CHERP: variants seen among roughly 807,000 people sequenced by gnomAD.
CHERP encodes the protein calcium homeostasis endoplasmic reticulum protein, also known as ERPROT 213-21.
A neutral mutation model predicts 113.8 loss-of-function variants in CHERP; 8 were observed. The ratio of observed to expected loss-of-function variants is 0.07; its 90% confidence interval spans 0.04 to 0.13. CHERP has a LOEUF of 0.13. CHERP is among the 10% of genes least tolerant of loss of function. CHERP has a pLI of 1.00. For missense variants in CHERP, 884 were observed against 1,298.2 expected (o/e 0.68, Z 4.90); for synonymous variants, 559 against 524.5 (o/e 1.07, Z -0.90).
intron 12 of CHERP, 93 bp from the exon 13 acceptor site, chr19:16,521,005 G>A: frequency 9.3e-7 from 1 of 1,072,888 alleles, no homozygotes; most frequent in Non-Finnish European, 1.4e-6. Context: ...CAGAACCTTG[G>A]AGAGTACATG....
In CHERP at chr19:16,533,053, G is replaced by A. The variant is rs751016291; in HGVS notation, c.480C>T (p.Leu160=). ...TGCACGTGTCGATGATGGGCTGCAGGAGGTTGTCAAACTCGTTCATGTCTA... is the reference window on the plus strand; with the variant it reads ...TGCACGTGTCGATGATGGGCTGCAGAAGGTTGTCAAACTCGTTCATGTCTA... ...TQLDMNEFDN[L]LQPIIDTCTK... The change falls in exon 4 of 17, where the codon CTC becomes CTT. Residue 160 remains leucine (L), a synonymous_variant. Coordinates refer to ENST00000546361, the MANE Select transcript of CHERP (RefSeq NM_006387.6). 1.3e-6 allele frequency: 2 copies of A among 1,572,948 alleles called. No individual in the cohort carries two copies. The highest frequency in any genetic ancestry group is 1.7e-6 in the Non-Finnish European group (2 of 1,158,488).
chr19:16,542,066 C>T (rs1489981539), intron 1 of CHERP, 23 bp from the exon 2 acceptor site: 1 of 1,596,934 alleles, frequency 6.3e-7, no homozygotes, highest in East Asian at 2.2e-5. Context: ...GAAAAGGCCA[C>T]GCGGGGCGTC....
rs1451288704 is a variant in CHERP at position 16,519,864 on chromosome 19, C to T, written c.2463-149G>A. On this transcript the variant is annotated intron_variant, in intron 15 of 16. Coordinates refer to ENST00000546361, the MANE Select transcript of CHERP (RefSeq NM_006387.6). The surrounding 1 kb of genome is among the most constrained non-coding windows in gnomAD (Gnocchi z 6.0). Reference sequence around the variant, plus strand: ...AGATTTTGCGTCTCTACCCGTTTATCCTGTCTCAGCTAGATAAGGGGGCTC... The same window carrying T: ...AGATTTTGCGTCTCTACCCGTTTATTCTGTCTCAGCTAGATAAGGGGGCTC... 1.3e-6 allele frequency: 1 copy of T among 753,648 alleles called. No homozygotes were observed. Among genetic ancestry groups the T allele is most frequent in the Non-Finnish European group, 2.3e-6 (1 of 435,900 alleles). The allele number at this position is 753,648 out of a possible 1,614,324, so 46.7% of individuals were successfully genotyped here.
At chr19:16,540,857 C>T (rs2085774499) in intron 2 of CHERP, among the ~76,000 whole-genome samples, 1 of 150,996 alleles carries the variant, frequency 6.6e-6, no homozygotes, top group Admixed American at 6.6e-5. Context: ...GCCACCACAC[C>T]CGGCTAATTT....
chr19:16,540,380 C>T (rs1366694818), intron 2 of CHERP, among the ~76,000 whole-genome samples: 3 of 123,724 alleles, frequency 2.4e-5, no homozygotes, highest in Admixed American at 1.6e-4. Context: ...TTTCAAGCTG[C>T]TTTTTTTTTT....
chr19:16,537,671 T>A (rs1179851844), intron 2 of CHERP, among the ~76,000 whole-genome samples: 1 of 151,994 alleles, frequency 6.6e-6, no homozygotes, highest in Non-Finnish European at 1.5e-5. Flanking sequence ...ATCACTCCAA[T>A]CAGTCTATGT....
At position 16,535,439 on chromosome 19, in the gene CHERP, G is replaced by A. The variant is rs747728050; in HGVS notation, c.384+13C>T. ...GCTGCTGGTGTCTGGCCGAGGAGGC[G>A]GCGGGCCCATACCTGTCTGAGCGCC... On this transcript the variant is annotated intron_variant, in intron 3 of 16. Transcript: ENST00000546361. This position sits in a 1 kb window ranked among gnomAD's most constrained non-coding sequence, Gnocchi z 4.3. The A allele has an allele frequency of 5.0e-6, 8 of 1,604,762 alleles. No individual in the cohort carries two copies. The South Asian group carries it at 5.6e-5, about 11-fold the overall frequency.
At position 16,535,900 on chromosome 19, in the gene CHERP, C is replaced by T. The variant is rs146419489; in HGVS notation, c.200-264G>A. On this transcript the variant is annotated intron_variant, in intron 2 of 16. Coordinates refer to ENST00000546361, the MANE Select transcript of CHERP (RefSeq NM_006387.6). The surrounding 1 kb of genome is among the most constrained non-coding windows in gnomAD (Gnocchi z 4.3). ...AGGAAGTCCCCTGGCCGCTCTCTCG[C>T]CAGCACCATCCAGTCCTTGCGCAGT... 2.1e-3 allele frequency among the ~76,000 whole-genome samples: 317 copies of T among 152,316 alleles called. 1 individual carries two copies. The highest frequency in any genetic ancestry group is 7.4e-3 in the African/African-American group (307 of 41,578).
Position 16,542,035 on chromosome 19 carries a change from G to C in CHERP, c.34C>G (p.Leu12Val). The C allele has an allele frequency of 6.2e-7, 1 of 1,612,764 alleles. No homozygotes were observed. Among genetic ancestry groups the C allele is most frequent in the African/African-American group, 1.3e-5 (1 of 74,988 alleles). The change falls in exon 2 of 17, where the codon CTT (leucine) becomes GTT (valine). Residue 12 changes from leucine (L) to valine (V), a missense_variant. Leu to Val is a conservative substitution (Grantham distance 32). Transcript: ENST00000546361. ...EMPLPPDDQELRNVIDKLAQF... is the reference protein window; with the variant it reads ...EMPLPPDDQEVRNVIDKLAQF... Reference sequence around the variant, plus strand: ...GCGAGCTTGTCGATGACATTTCGAAGCTCCTGGTCTGGAGGACGGAGAAAA... The same window carrying C: ...GCGAGCTTGTCGATGACATTTCGAACCTCCTGGTCTGGAGGACGGAGAAAA...
Position 16,529,742 on chromosome 19 carries a change from C to A in CHERP, c.1035G>T (p.Pro345=). The A allele has an allele frequency of 1.2e-6, 2 of 1,610,922 alleles. No homozygotes were observed. Among genetic ancestry groups the A allele is most frequent in the Non-Finnish European group, 1.7e-6 (2 of 1,179,540 alleles). Reference sequence around the variant, plus strand: ...TGGCCTTGACTTCAGCCTCCATCTGCGGCATCTGGAGCTGCTGCTGCTGCT... The same window carrying A: ...TGGCCTTGACTTCAGCCTCCATCTGAGGCATCTGGAGCTGCTGCTGCTGCT... The part of the protein sequence containing the change: ...QQQQQQQLQM[P]QMEAEVKATP... Residue 345 remains proline, a synonymous_variant, in exon 8 of 17, where the codon CCG becomes CCT. Coordinates refer to ENST00000546361, the MANE Select transcript of CHERP (RefSeq NM_006387.6).
intron 2 of CHERP, among the ~76,000 whole-genome samples, chr19:16,538,561 T>C (rs918813544): frequency 2.6e-5 from 4 of 152,188 alleles, no homozygotes; most frequent in Admixed American, 6.5e-5. Context: ...CGCACGCCTG[T>C]AGTCCCAGCT....
intron 2 of CHERP, among the ~76,000 whole-genome samples, chr19:16,538,194 C>G (rs527434073): frequency 6.6e-6 from 1 of 152,298 alleles, no homozygotes; most frequent in South Asian, 2.1e-4. Flanking sequence ...CTCCCCAAGC[C>G]AGGCTCCCAA....
intron 2 of CHERP, chr19:16,541,236 AAT>A: frequency 6.6e-6 from 1 of 152,172 alleles, no homozygotes; most frequent in Non-Finnish European, 1.5e-5. Context: ...TCATTTAAAC[AAT>A]CTAGAGACGG....
Position 16,520,200 on chromosome 19 carries a change from G to A in CHERP, c.2411C>T (p.Ser804Leu). The change falls in exon 15 of 17, where the codon TCG becomes TTG. Residue 804 changes from serine to leucine, a missense_variant. By Grantham distance (145) the Ser-to-Leu change is moderately radical. Around this residue, in one of 8 missense-constraint regions of CHERP, gnomAD observed 159 missense variants for 185.8 expected, o/e 0.86. Coordinates refer to ENST00000546361, the MANE Select transcript of CHERP (RefSeq NM_006387.6). This position sits in a 1 kb window ranked among gnomAD's most constrained non-coding sequence, Gnocchi z 4.0. ...SRSQSRSRSK[S>L]YSPGRRRRSR... ...CCGGCGTCTTCTTCCTGGGGAGTACGACTTGGACCGGGACCGCGACTGGGA... is the reference window on the plus strand; with the variant it reads ...CCGGCGTCTTCTTCCTGGGGAGTACAACTTGGACCGGGACCGCGACTGGGA... 1.2e-6 allele frequency: 2 copies of A among 1,613,388 alleles called. No homozygotes were observed. The highest frequency in any genetic ancestry group is 1.1e-5 in the South Asian group (1 of 91,078).
rs2085582308 is a variant in CHERP, at chr19:16,519,207, C to T, written c.2703G>A (p.Lys901=). The T allele has an allele frequency of 6.2e-7, 1 of 1,614,028 alleles. No individual in the cohort carries two copies. Among genetic ancestry groups the T allele is most frequent in the Non-Finnish European group, 8.5e-7 (1 of 1,180,026 alleles). The change falls in exon 17 of 17, where the codon AAG becomes AAA. Residue 901 remains lysine, a synonymous_variant. Coordinates refer to ENST00000546361, the MANE Select transcript of CHERP (RefSeq NM_006387.6). The surrounding 1 kb of genome is among the most constrained non-coding windows in gnomAD (Gnocchi z 6.0). ...DDPYENYRRN[K]SYSFIARMKA... The stretch of plus-strand genomic sequence containing the variant: ...TCATGCGGGCGATGAAGGAGTAGCT[C>T]TTGTTCCTGCGGTAGTTCTCATAGG...
rs2085593021 is a variant in CHERP, at chr19:16,519,935, C to T, written c.2462+214G>A. ...ACGCTCAGCATTGAGAGCAGGACAC[C>T]TCCAACCCAGATGGTGGTTAGAAAG... On this transcript the variant is annotated intron_variant, in intron 15 of 16. Transcript: ENST00000546361. The surrounding 1 kb of genome is among the most constrained non-coding windows in gnomAD (Gnocchi z 6.0). 4.5e-6 allele frequency: 3 copies of T among 661,290 alleles called. No homozygotes were observed. The East Asian group carries it at 8.1e-5, about 18-fold the overall frequency. 41.0% of individuals were successfully genotyped at this position (661,290 alleles called of 1,614,324 possible).
chr19:16,526,811 T>C (rs2085660588), intron 9 of CHERP, among the ~76,000 whole-genome samples: 1 of 152,210 alleles, frequency 6.6e-6, no homozygotes, highest in Admixed American at 6.5e-5. Context: ...TCACCCAGGC[T>C]GGAATGCAGT....
Position 16,532,898 on chromosome 19 carries a change from C to A in CHERP, c.522+113G>T, listed in dbSNP as rs947935822. On this transcript the variant is annotated intron_variant, in intron 4 of 16. Coordinates refer to ENST00000546361, the MANE Select transcript of CHERP (RefSeq NM_006387.6). The surrounding 1 kb of genome is among the most constrained non-coding windows in gnomAD (Gnocchi z 4.4). The stretch of plus-strand genomic sequence containing the variant: ...GTCCCACAGCCTCAGGAGCTCCAGG[C>A]GGGAGGGAAGGGCACCCATTGTAAC... 16 of 1,510,010 alleles carry A rather than the reference C, an allele frequency of 1.1e-5. No individual in the cohort carries two copies. Among genetic ancestry groups the A allele is most frequent in the African/African-American group, 1.4e-5 (1 of 72,672 alleles). The allele number at this position is 1,510,010 out of a possible 1,614,324, so 93.5% of individuals were successfully genotyped here. A position where few individuals can be genotyped will look rare whatever the true frequency, so the allele number is the denominator to read the frequency against.
In CHERP at chr19:16,532,857, G is replaced by A; in HGVS notation, c.523-108C>T. 6.5e-7 allele frequency: 1 copy of A among 1,538,986 alleles called. No homozygotes were observed. The highest frequency in any genetic ancestry group is 8.8e-7 in the Non-Finnish European group (1 of 1,138,328). ...CAGCTCAGGGAAGGACACACCATGA[G>A]CGTGGGGGGCACAGGGTCCCACAGC... On this transcript the variant is annotated intron_variant, in intron 4 of 16. Coordinates refer to ENST00000546361, the MANE Select transcript of CHERP (RefSeq NM_006387.6). The surrounding 1 kb of genome is among the most constrained non-coding windows in gnomAD (Gnocchi z 4.4).
Sources: gnomAD v4.1 joint callset for allele counts (sites outside exome capture counted in the v4.1 genomes callset) on GRCh38, gnomAD v4.1.1 for gene constraint, gnomAD v4.1.1 regional missense constraint, Gnocchi (gnomAD v3.1) non-coding constraint, MANE v1.5 for transcripts, NCBI Gene and HGNC (gene_info 2026-07-23, HGNC 2026-07-21) for gene names.